The following PHACTR1 variants were observed in gnomAD, a reference collection of about 807,000 sequenced individuals.
PHACTR1 encodes the protein RPEL repeat containing 1.
Under a neutral mutation model 69.2 loss-of-function variants are expected in PHACTR1, and 16 were observed. That is an observed-to-expected ratio of 0.23 (90% CI 0.16 to 0.35). PHACTR1 has a LOEUF of 0.35. Ranked by LOEUF, PHACTR1 falls within the 10% of genes least tolerant of loss-of-function variation. The pLI, the probability that PHACTR1 is intolerant of heterozygous loss-of-function variation, is 1.00. For missense variants in PHACTR1, 510 were observed against 734.7 expected, an observed-to-expected ratio of 0.69 and a Z score of 3.54; for synonymous variants, 312 against 284.5, an observed-to-expected ratio of 1.10 and a Z score of -0.97.
rs77468199 is a variant in PHACTR1 at position 12,904,737 on chromosome 6, A to G, written c.251-148628A>G. ...ACTGACCCGGACTCAGTCTAGCACA[A>G]TCAGAACCCCATCCAACCAGCCTAA... On this transcript the variant is annotated intron_variant, in intron 4 of 14. Transcript: ENST00000332995. Among the ~76,000 whole-genome samples, 670 of 152,208 alleles carry G rather than the reference A, an allele frequency of 4.4e-3. 2 individuals are homozygous for G. Among genetic ancestry groups the G allele is most frequent in the Non-Finnish European group, 7.1e-3 (480 of 68,008 alleles).
At chr6:12,776,431 C>T (rs1482842996) in intron 4 of PHACTR1, among the ~76,000 whole-genome samples, 1 of 152,206 alleles carries the variant, frequency 6.6e-6, no homozygotes, top group Non-Finnish European at 1.5e-5. Flanking sequence ...AACTTAATCA[C>T]TCGCAGCAGC....
rs1778540284 is a variant in PHACTR1 at position 12,840,005 on chromosome 6, T to C, written c.250+90215T>C. 2.0e-5 allele frequency among the ~76,000 whole-genome samples: 3 copies of C among 152,044 alleles called. No homozygotes were observed. The South Asian group carries it at 6.2e-4, about 32-fold the overall frequency. On this transcript the variant is annotated intron_variant, in intron 4 of 14. Coordinates refer to ENST00000332995, the MANE Select transcript of PHACTR1 (RefSeq NM_030948.6). ...TGATGAGAAATCACAAGCAGAGTTT[T>C]TATGTAGGTGTCATGTAGGAATGGT...
chr6:12,798,068 A>ACACACACACACACACACACC (rs758442149), intron 4 of PHACTR1, among the ~76,000 whole-genome samples: 2 of 149,912 alleles, frequency 1.3e-5, no homozygotes, highest in African/African-American at 2.5e-5. Flanking sequence ...ACACACACAC[A>ACACACACACACACACACACC]CCCCTACATA....
At chr6:12,866,180 G>A (rs1350468139) in intron 4 of PHACTR1, among the ~76,000 whole-genome samples, 4 of 152,168 alleles carry the variant, frequency 2.6e-5, no homozygotes, top group East Asian at 1.9e-4. Context: ...TATTCTTTCC[G>A]TGTGCCTAAG....
At chr6:12,853,967 A>G (rs1780075504) in intron 4 of PHACTR1, among the ~76,000 whole-genome samples, 1 of 152,182 alleles carries the variant, frequency 6.6e-6, no homozygotes. Flanking sequence ...TAGGGCCTGA[A>G]TATTCCTGAC....
chr6:12,916,906 T>C (rs1052393737), intron 4 of PHACTR1, among the ~76,000 whole-genome samples: 4 of 152,170 alleles, frequency 2.6e-5, no homozygotes, highest in Non-Finnish European at 5.9e-5. Flanking sequence ...GAATAAATTG[T>C]CAAAGTGATG....
At chr6:13,100,107 A>G (rs1039399096) in intron 5 of PHACTR1, among the ~76,000 whole-genome samples, 4 of 152,230 alleles carry the variant, frequency 2.6e-5, no homozygotes, top group Non-Finnish European at 5.9e-5. Flanking sequence ...CTCAACCATC[A>G]CTAGGTTTAT....
intron 4 of PHACTR1, among the ~76,000 whole-genome samples, chr6:12,961,785 C>T (rs187068931): frequency 3.2e-4 from 48 of 152,260 alleles, no homozygotes; most frequent in Admixed American, 3.1e-3. Context: ...GCTGGAGGTC[C>T]AAGACTGAGG....
intron 5 of PHACTR1, among the ~76,000 whole-genome samples, chr6:13,134,781 TG>T (rs1197035492): frequency 3.1e-5 from 3 of 96,652 alleles, no homozygotes; most frequent in Non-Finnish European, 5.8e-5. Context: ...CACCCAAGAA[TG>T]ATCAATAAAT....
intron 4 of PHACTR1, among the ~76,000 whole-genome samples, chr6:12,860,893 G>A (rs545966246): frequency 6.6e-6 from 1 of 152,054 alleles, no homozygotes; most frequent in African/African-American, 2.4e-5. Context: ...AAAATTCATT[G>A]CTGATGTATT....
At chr6:13,033,236 C>T (rs920050151) in intron 4 of PHACTR1, among the ~76,000 whole-genome samples, 3 of 152,192 alleles carry the variant, frequency 2.0e-5, no homozygotes, top group Non-Finnish European at 2.9e-5. Context: ...AAATTCTTCT[C>T]ATTGCTTTTT....
rs56305254 is a variant in PHACTR1 at position 13,193,357 on chromosome 6, GTATATATATATATATA to G, written c.664+10684_664+10699del. On this transcript the variant is annotated intron_variant, in intron 7 of 14. Coordinates refer to ENST00000332995, the MANE Select transcript of PHACTR1 (RefSeq NM_030948.6). The stretch of plus-strand genomic sequence containing the variant: ...ATTCTACCTCTTAATAGCTCTCTGT[GTATATATATATATATA>G]TATATATATATAGTTTTGGGGAGTG... 1.0e-4 allele frequency among the ~76,000 whole-genome samples: 7 copies of G among 68,162 alleles called. 1 individual carries two copies. The highest frequency in any genetic ancestry group is 1.7e-4 in the African/African-American group (4 of 23,726). The allele number at this position is 68,162 out of a possible 152,430, so 44.7% of individuals were successfully genotyped here.
At chr6:13,119,329 T>A (rs1176646866) in intron 5 of PHACTR1, among the ~76,000 whole-genome samples, 3 of 152,240 alleles carry the variant, frequency 2.0e-5, no homozygotes, top group Non-Finnish European at 4.4e-5. Context: ...AGAATTGACT[T>A]GAGATTTTTC....
At chr6:13,258,480 A>G (rs1775493351) in intron 10 of PHACTR1, among the ~76,000 whole-genome samples, 1 of 152,210 alleles carries the variant, frequency 6.6e-6, no homozygotes, top group South Asian at 2.1e-4. Context: ...AATGAGAACC[A>G]CTGACATAGA....
chr6:12,898,821 C>T (rs558094904), intron 4 of PHACTR1, among the ~76,000 whole-genome samples: 1 of 152,336 alleles, frequency 6.6e-6, no homozygotes, highest in African/African-American at 2.4e-5. Flanking sequence ...GTAATCTACC[C>T]GCTTGCCTTC....
chr6:13,184,685 G>A (rs971847297), intron 7 of PHACTR1: 3 of 766,774 alleles, frequency 3.9e-6, no homozygotes, highest in Non-Finnish European at 6.0e-6. Flanking sequence ...GCGGCCTGAA[G>A]CATCGGTGCT....
rs746198927 is a variant in PHACTR1 at position 13,045,036 on chromosome 6, A to G, written c.251-8329A>G. On this transcript the variant is annotated intron_variant, in intron 4 of 14. Transcript: ENST00000332995. ...TGTTTTGCAGCCTTTTCAAAAAAGC[A>G]GCTCATTTCCTCCCTCATCCCTGAA... Among the ~76,000 whole-genome samples, 11 of 152,210 alleles carry G rather than the reference A, an allele frequency of 7.2e-5. 1 individual carries two copies. The South Asian group carries it at 1.2e-3, about 17-fold the overall frequency.
intron 4 of PHACTR1, among the ~76,000 whole-genome samples, chr6:12,876,936 A>G (rs1351653263): frequency 6.6e-6 from 1 of 152,058 alleles, no homozygotes; most frequent in East Asian, 1.9e-4. Flanking sequence ...TCAAGAGAAG[A>G]TGAGATGAGA....
At chr6:13,061,219 A>G (rs991718947) in intron 5 of PHACTR1, among the ~76,000 whole-genome samples, 2 of 152,170 alleles carry the variant, frequency 1.3e-5, no homozygotes, top group African/African-American at 4.8e-5. Flanking sequence ...TATATCCAGG[A>G]TAATCTATTT....
Sources: allele counts gnomAD v4.1 joint callset (sites outside exome capture counted in the v4.1 genomes callset), GRCh38; gene constraint gnomAD v4.1.1; transcripts MANE v1.5; gene names NCBI Gene and HGNC (gene_info 2026-07-23, HGNC 2026-07-21).